BICC1: variants seen among roughly 807,000 people sequenced by gnomAD.
The protein encoded by BICC1 is protein bicaudal C homolog 1.
BICC1 carries 43 observed loss-of-function variants against 111.0 expected under a neutral mutation model. That is an observed-to-expected ratio of 0.39 (90% CI 0.30 to 0.50). The LOEUF (loss-of-function observed/expected upper bound fraction) is 0.50, where lower values mean the gene tolerates loss of function less well. Among genes scored for constraint, BICC1 ranks in the 20% least tolerant of loss-of-function variants. The pLI is 0.88. For missense variants in BICC1, 1,091 were observed against 1,203.2 expected (o/e 0.91, Z 1.38); for synonymous variants, 467 against 434.4 (o/e 1.07, Z -0.93).
At chr10:58,524,873 C>G (rs1177845823) in intron 1 of BICC1, among the ~76,000 whole-genome samples, 2 of 152,058 alleles carry the variant, frequency 1.3e-5, no homozygotes, top group African/African-American at 4.8e-5. Context: ...AAGAAAAAAT[C>G]AAACAACCCC....
intron 2 of BICC1, among the ~76,000 whole-genome samples, chr10:58,633,173 T>G (rs7076017): frequency 0.63 from 95,128 of 152,038 alleles, 30,063 homozygotes; most frequent in African/African-American, 0.7. Context: ...GGAGTTCCCC[T>G]GCACAAGCCC....
chr10:58,541,882 G>A (rs1447785028), intron 1 of BICC1, among the ~76,000 whole-genome samples: 1 of 151,958 alleles, frequency 6.6e-6, no homozygotes, highest in African/African-American at 2.4e-5. Context: ...CAGTGTGGTG[G>A]CTCACACCTG....
chr10:58,664,693 G>GT (rs1170190271), intron 2 of BICC1, among the ~76,000 whole-genome samples: 18 of 145,096 alleles, frequency 1.2e-4, no homozygotes, highest in African/African-American at 1.8e-4. Flanking sequence ...AGGCTTGTGG[G>GT]TTTTTTTTTT....
intron 3 of BICC1, among the ~76,000 whole-genome samples, chr10:58,728,628 A>G (rs1331837861): frequency 6.6e-6 from 1 of 152,068 alleles, no homozygotes; most frequent in Non-Finnish European, 1.5e-5. Flanking sequence ...TCCTTTCCAG[A>G]GGTTTTCAAT....
chr10:58,771,995 A>G (rs888169323), intron 3 of BICC1, among the ~76,000 whole-genome samples: 1 of 152,180 alleles, frequency 6.6e-6, no homozygotes, highest in African/African-American at 2.4e-5. Flanking sequence ...GCATGCCAGG[A>G]GTGGGAAGTT....
chr10:58,524,561 C>T (rs1842478830), intron 1 of BICC1, among the ~76,000 whole-genome samples: 1 of 152,156 alleles, frequency 6.6e-6, no homozygotes, highest in Non-Finnish European at 1.5e-5. Flanking sequence ...AAAATTAATT[C>T]AAGATTGATT....
chr10:58,735,156 A>G (rs1319056963), intron 3 of BICC1, among the ~76,000 whole-genome samples: 2 of 152,256 alleles, frequency 1.3e-5, no homozygotes, highest in Non-Finnish European at 2.9e-5. Flanking sequence ...AGTTTCTTCC[A>G]CACATGTGTT....
intron 18 of BICC1, among the ~76,000 whole-genome samples, chr10:58,816,745 C>CTGTGTGTGTGTGTGTG (rs56310772): frequency 4.9e-5 from 6 of 122,162 alleles, no homozygotes; most frequent in African/African-American, 1.9e-4. Flanking sequence ...ATCTCCAAGG[C>CTGTGTGTGTGTGTGTG]TGTGTGTGTG....
intron 2 of BICC1, among the ~76,000 whole-genome samples, chr10:58,635,452 A>G (rs541869584): frequency 2.0e-5 from 3 of 152,306 alleles, no homozygotes; most frequent in African/African-American, 7.2e-5. Flanking sequence ...ATTTACTGAG[A>G]TCTGTGTTAG....
At chr10:58,811,305 C>T (rs568892093) in intron 17 of BICC1, among the ~76,000 whole-genome samples, 4 of 152,158 alleles carry the variant, frequency 2.6e-5, no homozygotes, top group Non-Finnish European at 4.4e-5. Flanking sequence ...CACATATTCT[C>T]GGAGCAAATA....
chr10:58,522,722 A>G (rs781682949), intron 1 of BICC1, among the ~76,000 whole-genome samples: 2 of 152,166 alleles, frequency 1.3e-5, no homozygotes, highest in African/African-American at 4.8e-5. Context: ...ACTGAAGGAA[A>G]TAGAGACACA....
chr10:58,800,384 G>A, intron 13 of BICC1, 58 bp downstream of exon 13: 1 of 1,570,228 alleles, frequency 6.4e-7, no homozygotes, highest in East Asian at 2.3e-5. Context: ...AAAGGAGGTT[G>A]TAGAGAGTCT....
upstream of BICC1, among the ~76,000 whole-genome samples, chr10:58,512,714 G>C (rs1442121052): frequency 6.6e-6 from 1 of 151,826 alleles, no homozygotes; most frequent in Non-Finnish European, 1.5e-5. Flanking sequence ...TGTACGTGGT[G>C]TGTGTGTGCG....
chr10:58,696,521 T>G (rs1421110189), intron 2 of BICC1, among the ~76,000 whole-genome samples: 1 of 152,178 alleles, frequency 6.6e-6, no homozygotes, highest in Non-Finnish European at 1.5e-5. Flanking sequence ...GCACAGTAAA[T>G]CTAACAACAG....
intron 3 of BICC1, among the ~76,000 whole-genome samples, chr10:58,756,180 T>A (rs1589106802): frequency 6.6e-6 from 1 of 152,162 alleles, no homozygotes; most frequent in Admixed American, 6.5e-5. Context: ...TAGAGACTTT[T>A]AAAAAATACT....
intron 3 of BICC1, among the ~76,000 whole-genome samples, chr10:58,740,446 C>T (rs1196881312): frequency 6.6e-6 from 1 of 152,098 alleles, no homozygotes; most frequent in Non-Finnish European, 1.5e-5. Flanking sequence ...GAGATCAGCT[C>T]TGATTCATTT....
Position 58,533,551 on chromosome 10 carries a change from GA to G in BICC1, c.190+20227del, listed in dbSNP as rs879894802. Among the ~76,000 whole-genome samples, 5 of 150,408 alleles carry G rather than the reference GA, an allele frequency of 3.3e-5. No individual in the cohort carries two copies. In the East Asian group the frequency reaches 5.9e-4, roughly 18 times the overall value. The stretch of plus-strand genomic sequence containing the variant: ...CCCTCATCCATACAGAGTGCTGAAG[GA>G]AAAAAAAACCTGACAATCAAGAATA... On this transcript the variant is annotated intron_variant, in intron 1 of 20. Coordinates refer to ENST00000373886, the MANE Select transcript of BICC1 (RefSeq NM_001080512.3).
intron 1 of BICC1, among the ~76,000 whole-genome samples, chr10:58,612,795 T>G (rs1463958833): frequency 6.6e-6 from 1 of 152,208 alleles, no homozygotes; most frequent in East Asian, 1.9e-4. Flanking sequence ...ATAGTCCTTG[T>G]GTTTTTAGAG....
intron 3 of BICC1, among the ~76,000 whole-genome samples, chr10:58,772,954 T>C (rs766103397): frequency 6.6e-6 from 1 of 152,228 alleles, no homozygotes; most frequent in Non-Finnish European, 1.5e-5. Context: ...TCCACACATA[T>C]TTCTCAAAGG....
Sources: allele counts gnomAD v4.1 joint callset (sites outside exome capture counted in the v4.1 genomes callset), GRCh38; gene constraint gnomAD v4.1.1; transcripts MANE v1.5; gene names NCBI Gene and HGNC (gene_info 2026-07-23, HGNC 2026-07-21).